LRMDA: variants seen among roughly 807,000 people sequenced by gnomAD.
LRMDA encodes leucine rich melanocyte differentiation associated.
LRMDA carries 18 observed loss-of-function variants against 29.8 expected under a neutral mutation model. The ratio of observed to expected loss-of-function variants is 0.60; its 90% CI spans 0.42 to 0.90. The LOEUF is 0.90. Among genes scored for constraint, LRMDA ranks in the 40% least tolerant of loss-of-function variants. LRMDA has a pLI of 0.00. For missense variants in LRMDA, 273 were observed against 273.9 expected, an observed-to-expected ratio of 1.00 and a Z score of 0.02; for synonymous variants, 125 against 109.4, an observed-to-expected ratio of 1.14 and a Z score of -0.89.
At chr10:75,718,009 A>G (rs1842522364) in intron 2 of LRMDA, among the ~76,000 whole-genome samples, 2 of 152,190 alleles carry the variant, frequency 1.3e-5, no homozygotes, top group Admixed American at 6.5e-5. Flanking sequence ...CTAGTGGATG[A>G]ATTAAGTGAG....
intron 5 of LRMDA, among the ~76,000 whole-genome samples, chr10:76,250,333 G>C (rs998314417): frequency 1.3e-5 from 2 of 152,172 alleles, no homozygotes; most frequent in African/African-American, 4.8e-5. Context: ...ATTTAAGGTG[G>C]TTATGAGAAT....
chr10:75,913,618 C>G (rs1442265312), intron 2 of LRMDA, among the ~76,000 whole-genome samples: 1 of 152,206 alleles, frequency 6.6e-6, no homozygotes, highest in African/African-American at 2.4e-5. Context: ...TTCATACCTC[C>G]TTGAGGCTAG....
chr10:76,266,055 C>T (rs1840002994), intron 5 of LRMDA, among the ~76,000 whole-genome samples: 1 of 152,090 alleles, frequency 6.6e-6, no homozygotes. Flanking sequence ...TGATCTCAGA[C>T]CAGTTACTTA....
At chr10:76,464,294 A>G (rs989453309) in intron 6 of LRMDA, among the ~76,000 whole-genome samples, 3 of 152,006 alleles carry the variant, frequency 2.0e-5, no homozygotes, top group African/African-American at 7.2e-5. Context: ...CCCGGAAGAG[A>G]GATGAGGATT....
intron 2 of LRMDA, among the ~76,000 whole-genome samples, chr10:75,511,638 C>A (rs912113988): frequency 2.6e-5 from 4 of 152,182 alleles, no homozygotes; most frequent in Non-Finnish European, 4.4e-5. Context: ...TAATGGTTCT[C>A]ACTATCTCCC....
intron 5 of LRMDA, among the ~76,000 whole-genome samples, chr10:76,254,358 C>CTATGCTATG (rs1554859386): frequency 2.6e-3 from 339 of 131,390 alleles, no homozygotes; most frequent in African/African-American, 6.9e-3. Flanking sequence ...CCTATCCTAT[C>CTATGCTATG]CTATGCTATG....
chr10:75,526,000 T>C (rs1256576381), intron 2 of LRMDA, among the ~76,000 whole-genome samples: 1 of 151,876 alleles, frequency 6.6e-6, no homozygotes, highest in Non-Finnish European at 1.5e-5. Flanking sequence ...GCTTTATGTT[T>C]TCTATCACCC....
intron 6 of LRMDA, among the ~76,000 whole-genome samples, chr10:76,519,087 T>C (rs755770429): frequency 1.3e-5 from 2 of 152,150 alleles, no homozygotes; most frequent in Non-Finnish European, 2.9e-5. Flanking sequence ...GAAGGGTGGA[T>C]TGCTGGAGGA....
intron 5 of LRMDA, among the ~76,000 whole-genome samples, chr10:76,219,263 A>G (rs541556722): frequency 1.3e-5 from 2 of 152,296 alleles, no homozygotes; most frequent in East Asian, 3.9e-4. Flanking sequence ...CACACATAAC[A>G]ATATTAACTT....
intron 5 of LRMDA, among the ~76,000 whole-genome samples, chr10:76,104,517 C>T (rs1281903895): frequency 5.9e-5 from 3 of 51,088 alleles, no homozygotes; most frequent in East Asian, 4.8e-4. Flanking sequence ...CTGGGTCTCC[C>T]TGCAGCTCTA....
chr10:75,751,829 G>GT, intron 2 of LRMDA, among the ~76,000 whole-genome samples: 1 of 152,282 alleles, frequency 6.6e-6, no homozygotes, highest in South Asian at 2.1e-4. Flanking sequence ...GTACCTTAGT[G>GT]GAGGCCTTCA....
intron 2 of LRMDA, among the ~76,000 whole-genome samples, chr10:75,789,716 ACAG>A (rs1843533721): frequency 6.6e-6 from 1 of 152,210 alleles, no homozygotes; most frequent in Admixed American, 6.5e-5. Flanking sequence ...TGAACATTGC[ACAG>A]ATGTGTAGTT....
intron 2 of LRMDA, among the ~76,000 whole-genome samples, chr10:75,499,515 G>A (rs1845087818): frequency 6.6e-6 from 1 of 152,320 alleles, no homozygotes; most frequent in South Asian, 2.1e-4. Context: ...TTACTTCACA[G>A]AACTGTCCTG....
chr10:75,888,167 G>GCCAGCC (rs1187127950), intron 2 of LRMDA, among the ~76,000 whole-genome samples: 3 of 152,234 alleles, frequency 2.0e-5, no homozygotes, highest in African/African-American at 4.8e-5. Context: ...ATGACCAAAG[G>GCCAGCC]CCAGCCCCAG....
intron 6 of LRMDA, among the ~76,000 whole-genome samples, chr10:76,353,312 A>G (rs565610350): frequency 6.7e-5 from 10 of 148,958 alleles, no homozygotes; most frequent in Admixed American, 5.5e-4. Flanking sequence ...TCCATTTGCA[A>G]TTCTCTGAGC....
intron 2 of LRMDA, among the ~76,000 whole-genome samples, chr10:75,619,133 A>G (rs1489005957): frequency 1.3e-5 from 2 of 152,032 alleles, no homozygotes; most frequent in Non-Finnish European, 2.9e-5. Context: ...GTAGACTGTC[A>G]TGAAGGTCTT....
chr10:76,220,378 C>T (rs1280985726), intron 5 of LRMDA, among the ~76,000 whole-genome samples: 2 of 151,552 alleles, frequency 1.3e-5, no homozygotes, highest in Non-Finnish European at 1.5e-5. Context: ...ACTAGCAAGA[C>T]TAATAAAGAA....
At chr10:76,467,388 G>A (rs1842575002) in intron 6 of LRMDA, among the ~76,000 whole-genome samples, 1 of 152,210 alleles carries the variant, frequency 6.6e-6, no homozygotes, top group Admixed American at 6.5e-5. Context: ...GCCCCAGCTG[G>A]TGGAAACGCC....
intron 6 of LRMDA, among the ~76,000 whole-genome samples, chr10:76,532,396 T>G (rs184881537): frequency 6.6e-6 from 1 of 152,362 alleles, no homozygotes; most frequent in East Asian, 1.9e-4. Context: ...AGTTAGTTCC[T>G]TTATACATTT....
Sources: gnomAD v4.1 joint callset for allele counts (sites outside exome capture counted in the v4.1 genomes callset) on GRCh38, gnomAD v4.1.1 for gene constraint, MANE v1.5 for transcripts, NCBI Gene and HGNC (gene_info 2026-07-23, HGNC 2026-07-21) for gene names.